The following TUBGCP5 variants were observed in gnomAD, a reference collection of about 807,000 sequenced individuals.
The protein encoded by TUBGCP5 is tubulin gamma complex component 5.
TUBGCP5 carries 98 observed loss-of-function variants against 134.7 expected under a neutral mutation model. The observed-to-expected ratio is 0.73, with a 90% confidence interval of 0.62 to 0.86. The LOEUF (loss-of-function observed/expected upper bound fraction) is 0.86. Ranked by LOEUF, TUBGCP5 falls within the 40% of genes least tolerant of loss-of-function variation. The pLI is 0.00. For synonymous variants in TUBGCP5, 456 were observed against 431.4 expected, an observed-to-expected ratio of 1.06 and a Z score of -0.71; for missense variants, 1,150 against 1,244.8, an observed-to-expected ratio of 0.92 and a Z score of 1.15.
Position 23,006,304 on chromosome 15 carries a change from A to G in TUBGCP5, c.2376T>C (p.Pro792=). ...GGGTCAGACCATCTAAGATATGAAC[A>G]GGCAGCTTCTTCTTAGCTGTGTCAA... The part of the protein sequence containing the change: ...ENVDTAKKKL[P]VHILDGLTLS... The change falls in exon 17 of 23, where the codon CCT becomes CCC. Residue 792 remains proline, a synonymous_variant. Transcript: ENST00000615383. 1.2e-6 allele frequency: 2 copies of G among 1,609,862 alleles called. No individual in the cohort carries two copies. The highest frequency in any genetic ancestry group is 1.7e-6 in the Non-Finnish European group (2 of 1,179,192).
At position 23,022,018 on chromosome 15, in the gene TUBGCP5, T is replaced by C. The variant is rs1462193116; in HGVS notation, c.1312A>G (p.Asn438Asp). Residue 438 changes from asparagine (N) to aspartate (D), a missense_variant, in exon 11 of 23, where the codon AAC becomes GAC. Physicochemically the swap from Asn to Asp is conservative, Grantham distance 23. Coordinates refer to ENST00000615383, the MANE Select transcript of TUBGCP5 (RefSeq NM_052903.6). ...RNVVRASHLL[N>D]TLYKAILEYD... ...TCAAGAATGGCCTTGTACAGGGTGT[T>C]AAGCAGGTGAGAGGCCCGGACGACA... 6.2e-7 allele frequency: 1 copy of C among 1,614,150 alleles called. No homozygotes were observed. Among genetic ancestry groups the C allele is most frequent in the Non-Finnish European group, 8.5e-7 (1 of 1,180,018 alleles).
intron 10 of TUBGCP5, 25 bp from the exon 11 acceptor site, chr15:23,022,186 C>CA: frequency 6.2e-7 from 1 of 1,609,174 alleles, no homozygotes; most frequent in Non-Finnish European, 8.5e-7. Flanking sequence ...AAATCAAACT[C>CA]AACAGCAAGG....
Position 22,999,575 on chromosome 15 carries a change from A to T in TUBGCP5, c.*245T>A, listed in dbSNP as rs1244051266. On this transcript the variant is annotated 3_prime_UTR_variant, in exon 23 of 23. Transcript: ENST00000615383. ...ACCACCATGTCTGGATACATTTTGT[A>T]TTTTTGGTAGACACCGGGTTTCACC... is the stretch of plus-strand genomic sequence containing the variant. 2 of 504,444 alleles carry T rather than the reference A, an allele frequency of 4.0e-6. No individual in the cohort carries two copies. Among genetic ancestry groups the T allele is most frequent in the Non-Finnish European group, 7.2e-6 (2 of 277,634 alleles). 31.2% of individuals were successfully genotyped at this position (504,444 alleles called of 1,614,324 possible).
chr15:22,992,945 T>TA (rs2063896920), intron 23 of TUBGCP5, among the ~76,000 whole-genome samples: 62 of 151,730 alleles, frequency 4.1e-4, no homozygotes, highest in African/African-American at 1.4e-3. Flanking sequence ...AGAGAAAGAT[T>TA]TAAAAAAAAA....
In TUBGCP5 at chr15:23,037,009, A is replaced by T. The variant is rs1156709457; in HGVS notation, c.201-4T>A. 6.3e-7 allele frequency: 1 copy of T among 1,592,870 alleles called. No individual in the cohort carries two copies. The highest frequency in any genetic ancestry group is 8.5e-7 in the Non-Finnish European group (1 of 1,170,774). On this transcript the variant is annotated splice_polypyrimidine_tract_variant and splice_region_variant and intron_variant, in intron 2 of 22. Transcript: ENST00000615383. The stretch of plus-strand genomic sequence containing the variant: ...AATGACAAATTTTTCATAAATTCTA[A>T]AATATAAGAAAAGATTATAAAGCTA...
At chr15:23,036,838 C>T (rs998715129) in intron 3 of TUBGCP5, 59 bp downstream of exon 3, 94 of 1,140,470 alleles carry the variant, frequency 8.2e-5, no homozygotes, top group Admixed American at 2.3e-4. Context: ...AACAAATTGA[C>T]GATAATCAGA....
chr15:23,030,039 A>G (rs2066218256), intron 6 of TUBGCP5, among the ~76,000 whole-genome samples: 1 of 152,188 alleles, frequency 6.6e-6, no homozygotes, highest in South Asian at 2.1e-4. Context: ...TACAAAAAAT[A>G]CAAAAATTAA....
rs770896534 is a variant in TUBGCP5, at chr15:23,019,277, C to A, written c.1429G>T (p.Asp477Tyr). ...ETVRPYLQTV[D>Y]EWIVHGHLWD... ...AGGTGCCCGTGCACGATCCACTCGT[C>A]CACCGTCTGCAGGTAAGGCCGCACC... Residue 477 changes from aspartate (D) to tyrosine (Y), a missense_variant, in exon 12 of 23, where the codon GAC becomes TAC. Around this residue, in one of 2 missense-constraint regions of TUBGCP5, gnomAD observed 697 missense variants for 850.1 expected, o/e 0.82. Transcript: ENST00000615383. 3.7e-6 allele frequency: 6 copies of A among 1,613,986 alleles called. No homozygotes were observed. The South Asian group carries it at 5.5e-5, about 15-fold the overall frequency.
intron 21 of TUBGCP5, 122 bp downstream of exon 21, chr15:23,002,943 T>C (rs2064475469): frequency 2.3e-5 from 20 of 864,826 alleles, no homozygotes; most frequent in Non-Finnish European, 3.6e-5. Context: ...CTTGAACTCC[T>C]GGGGTCAAGC....
At chr15:23,019,724 C>T (rs1437738103) in intron 11 of TUBGCP5, among the ~76,000 whole-genome samples, 1 of 151,184 alleles carries the variant, frequency 6.6e-6, no homozygotes, top group African/African-American at 2.4e-5. Flanking sequence ...TTGAATCTGG[C>T]AGGTGGAGGC....
chr15:23,009,999 T>G lies in TUBGCP5; in HGVS notation c.2090A>C (p.Lys697Thr). 6.2e-7 allele frequency: 1 copy of G among 1,614,148 alleles called. No individual in the cohort carries two copies. The change falls in exon 15 of 23, where the codon AAG (lysine) becomes ACG (threonine). Residue 697 changes from lysine to threonine, a missense_variant. Transcript: ENST00000615383. Reference sequence around the variant, plus strand: ...ATTTCCACAGCAATCTAGATACTGCTTGTCAATATGAGGATAGAGGCAGGA... The same window carrying G: ...ATTTCCACAGCAATCTAGATACTGCGTGTCAATATGAGGATAGAGGCAGGA... ...LRSCLYPHID[K>T]QYLDCCGNLM...
rs148440159 is a variant in TUBGCP5 at position 22,986,602 on chromosome 15, G to A, written c.*62-2991C>T. On this transcript the variant is annotated intron_variant and NMD_transcript_variant, in intron 23 of 23. Coordinates refer to the TUBGCP5 transcript ENST00000614508. ...AAATACAAAAAATTAGCCGGGTGTGGTGGTGGGTGCCTGTAATCCTAGCTA... is the reference window on the plus strand; with the variant it reads ...AAATACAAAAAATTAGCCGGGTGTGATGGTGGGTGCCTGTAATCCTAGCTA... Among the ~76,000 whole-genome samples, 294 of 152,132 alleles carry A rather than the reference G, an allele frequency of 1.9e-3. 4 individuals are homozygous for A. In the East Asian group the frequency reaches 0.026, roughly 14 times the overall value.
rs189918443 is a variant in TUBGCP5 at position 23,017,394 on chromosome 15, A to G, written c.1756+379T>C. On this transcript the variant is annotated intron_variant, in intron 13 of 22. Coordinates refer to ENST00000615383, the MANE Select transcript of TUBGCP5 (RefSeq NM_052903.6). ...TGCTAATTATCCTGATCTGATCACT[A>G]TATATGTATCAAAACATCACTATGT... 1.1e-4 allele frequency among the ~76,000 whole-genome samples: 17 copies of G among 152,292 alleles called. No homozygotes were observed. The East Asian group carries it at 2.7e-3, about 24-fold the overall frequency.
In TUBGCP5 at chr15:22,999,862, T is replaced by C. The variant is rs755775231; in HGVS notation, c.3033A>G (p.Glu1011=). 6.2e-7 allele frequency: 1 copy of C among 1,613,872 alleles called. No homozygotes were observed. Among genetic ancestry groups the C allele is most frequent in the Non-Finnish European group, 8.5e-7 (1 of 1,179,846 alleles). The change falls in exon 23 of 23, where the codon GAA becomes GAG. Residue 1011 remains glutamate, a synonymous_variant. Coordinates refer to ENST00000615383, the MANE Select transcript of TUBGCP5 (RefSeq NM_052903.6). ...CAGCCATGAGTGACAACGCTAGAGA[T>C]TCCACTGTGGGAAGAATAAAAATAA... ...AVCRGSFPHL[E]SLALSLMAGM... is the part of the protein sequence containing the mutation.
intron 3 of TUBGCP5, among the ~76,000 whole-genome samples, chr15:23,036,551 G>A (rs1303317275): frequency 6.6e-6 from 1 of 151,786 alleles, no homozygotes; most frequent in African/African-American, 2.4e-5. Flanking sequence ...CAATATGAAA[G>A]TATACCAGGC....
At chr15:23,037,044 G>T in intron 2 of TUBGCP5, 39 bp from the exon 3 acceptor site, 2 of 1,593,696 alleles carry the variant, frequency 1.3e-6, no homozygotes, top group Non-Finnish European at 8.6e-7. Flanking sequence ...ATCTTAAAAA[G>T]ATCTATAAGA....
chr15:22,998,562 G>A (rs780482506), downstream of TUBGCP5, among the ~76,000 whole-genome samples: 4 of 151,974 alleles, frequency 2.6e-5, no homozygotes, highest in African/African-American at 4.8e-5. Context: ...GGTCTCAATC[G>A]ATCCTCCCAC....
At chr15:23,020,252 C>T (rs1291914121) in intron 11 of TUBGCP5, among the ~76,000 whole-genome samples, 1 of 151,778 alleles carries the variant, frequency 6.6e-6, no homozygotes, top group Non-Finnish European at 1.5e-5. Flanking sequence ...ATTAAAAATA[C>T]AAAAATTAGA....
intron 13 of TUBGCP5, among the ~76,000 whole-genome samples, chr15:23,012,573 A>G (rs1381776795): frequency 1.3e-5 from 2 of 152,086 alleles, no homozygotes; most frequent in Non-Finnish European, 2.9e-5. Flanking sequence ...ATGCCCAGCT[A>G]ATTTTTGTAT....
Sources: gnomAD v4.1 joint callset for allele counts (sites outside exome capture counted in the v4.1 genomes callset) on GRCh38, gnomAD v4.1.1 for gene constraint, gnomAD v4.1.1 regional missense constraint, MANE v1.5 for transcripts, NCBI Gene and HGNC (gene_info 2026-07-23, HGNC 2026-07-21) for gene names.